GPATCH2: variants seen among roughly 807,000 people sequenced by gnomAD.
GPATCH2 encodes G patch domain-containing protein 2.
In GPATCH2, 51 loss-of-function variants were observed where a neutral mutation model predicts 58.0. That is an observed-to-expected ratio of 0.88 (90% CI 0.70 to 1.11). The LOEUF is 1.11. Ranked by LOEUF, GPATCH2 falls within the 50% of genes most tolerant of loss-of-function variation. The pLI is 0.00. For missense variants in GPATCH2, 625 were observed against 652.2 expected (o/e 0.96, Z 0.45); for synonymous variants, 222 against 218.5 (o/e 1.02, Z -0.14).
chr1:217,619,880 C>T lies in GPATCH2; in HGVS notation c.676G>A (p.Glu226Lys). ...TCCTCACTTTCTAAAACTACTCCTT[C>T]ATCTTGGATTTTTGGTCCTTGTCTG... ...IIRQGPKIQD[E>K]GVVLESEETN... The change falls in exon 2 of 10, where the codon GAA becomes AAA. Residue 226 changes from glutamate to lysine, a missense_variant. Transcript: ENST00000366935. 2 of 1,613,876 alleles carry T rather than the reference C, an allele frequency of 1.2e-6. No individual in the cohort carries two copies. The highest frequency in any genetic ancestry group is 4.5e-5 in the East Asian group (2 of 44,862).
chr1:217,515,952 T>C (rs1433689909), intron 5 of GPATCH2, among the ~76,000 whole-genome samples: 1 of 152,140 alleles, frequency 6.6e-6, no homozygotes, highest in Non-Finnish European at 1.5e-5. Flanking sequence ...AGCAGCCCTT[T>C]TCATAGTTTC....
At chr1:217,577,978 C>T (rs994179535) in intron 5 of GPATCH2, among the ~76,000 whole-genome samples, 3 of 151,280 alleles carry the variant, frequency 2.0e-5, no homozygotes, top group Non-Finnish European at 4.4e-5. Context: ...AACTCCCAAC[C>T]TCAGGTGATC....
intron 5 of GPATCH2, among the ~76,000 whole-genome samples, chr1:217,525,275 C>A (rs908093930): frequency 6.6e-6 from 1 of 151,992 alleles, no homozygotes; most frequent in Admixed American, 6.6e-5. Context: ...TAAGATAACC[C>A]TCCATCTCAC....
intron 5 of GPATCH2, among the ~76,000 whole-genome samples, chr1:217,578,477 C>A (rs1003152313): frequency 1.3e-5 from 2 of 152,108 alleles, no homozygotes; most frequent in African/African-American, 2.4e-5. Flanking sequence ...GTCCTGAACT[C>A]CTGGATTCAA....
chr1:217,609,384 A>G (rs979104463), intron 5 of GPATCH2: 2 of 984,172 alleles, frequency 2.0e-6, no homozygotes, highest in Admixed American at 6.2e-5. Flanking sequence ...TAAGCTCTAA[A>G]CCAAAATAAT....
At chr1:217,606,479 C>T (rs1668366103) in intron 5 of GPATCH2, among the ~76,000 whole-genome samples, 1 of 152,032 alleles carries the variant, frequency 6.6e-6, no homozygotes, top group Non-Finnish European at 1.5e-5. Context: ...ATGAACAAGC[C>T]AGTTGCGGTG....
intron 1 of GPATCH2, 122 bp from the exon 2 acceptor site, chr1:217,620,621 C>T: frequency 1.6e-6 from 1 of 624,902 alleles, no homozygotes. Context: ...TGTTTCAAAG[C>T]TAATTTTCCT....
In GPATCH2 at chr1:217,619,831, T is replaced by C; in HGVS notation, c.725A>G (p.Lys242Arg). 6.2e-7 allele frequency: 1 copy of C among 1,611,560 alleles called. No homozygotes were observed. The highest frequency in any genetic ancestry group is 8.5e-7 in the Non-Finnish European group (1 of 1,178,944). Residue 242 changes from lysine (K) to arginine (R), a missense_variant, in exon 2 of 10, where the codon AAA becomes AGA. By Grantham distance (26) the Lys-to-Arg change is conservative. Coordinates refer to ENST00000366935, the MANE Select transcript of GPATCH2 (RefSeq NM_018040.5). ...GACTTTTTGCTCTTCACATTCCATT[T>C]TGTCCTTATTGGTCTGGTTCGTTTC... The part of the protein sequence containing the change: ...SEETNQTNKD[K>R]MECEEQKVSD...
At chr1:217,434,490 C>A (rs1207795498) in intron 9 of GPATCH2, among the ~76,000 whole-genome samples, 2 of 152,202 alleles carry the variant, frequency 1.3e-5, no homozygotes, top group Middle Eastern at 3.4e-3. Context: ...AGTGCCTTAG[C>A]GTGTTGTCTC....
chr1:217,590,908 C>T (rs1403576120), intron 5 of GPATCH2, among the ~76,000 whole-genome samples: 2 of 152,082 alleles, frequency 1.3e-5, no homozygotes, highest in African/African-American at 4.8e-5. Context: ...AATCATGGAT[C>T]TGGGAGAGGT....
At chr1:217,602,923 A>G (rs1668175613) in intron 5 of GPATCH2, among the ~76,000 whole-genome samples, 1 of 152,172 alleles carries the variant, frequency 6.6e-6, no homozygotes, top group East Asian at 1.9e-4. Context: ...GAATTTATTT[A>G]TATTTATTAA....
Position 217,509,501 on chromosome 1 carries a change from A to G in GPATCH2, c.1166+5321T>C, listed in dbSNP as rs576414991. On this transcript the variant is annotated intron_variant, in intron 6 of 9. Transcript: ENST00000366935. The stretch of plus-strand genomic sequence containing the variant: ...TTTATTTCTGGTGGTGATTTGTCTT[A>G]TATCTTCTGCGAGCTAGTCTCTGAA... Among the ~76,000 whole-genome samples the G allele has an allele frequency of 4.6e-5, 7 of 152,262 alleles. No individual in the cohort carries two copies. The South Asian group carries it at 6.2e-4, about 14-fold the overall frequency.
chr1:217,627,763 G>C (rs547630043), intron 1 of GPATCH2, among the ~76,000 whole-genome samples: 1 of 152,034 alleles, frequency 6.6e-6, no homozygotes, highest in South Asian at 2.1e-4. Flanking sequence ...ATTTAATAAG[G>C]CAAGCTCATT....
At chr1:217,523,461 C>T (rs1453647142) in intron 5 of GPATCH2, among the ~76,000 whole-genome samples, 3 of 151,622 alleles carry the variant, frequency 2.0e-5, no homozygotes, top group Non-Finnish European at 4.4e-5. Context: ...GTGGACACAG[C>T]ACATGTTTCA....
At chr1:217,539,328 G>A (rs1401665103) in intron 5 of GPATCH2, among the ~76,000 whole-genome samples, 1 of 152,138 alleles carries the variant, frequency 6.6e-6, no homozygotes, top group Non-Finnish European at 1.5e-5. Flanking sequence ...GAGTTTATAT[G>A]ATTAAACCAG....
chr1:217,431,447 A>AGTTTT (rs1209350129), intron 9 of GPATCH2, 82 bp from the exon 10 acceptor site: 9 of 852,438 alleles, frequency 1.1e-5, no homozygotes, highest in East Asian at 9.8e-5. Context: ...TGTTCTCCTA[A>AGTTTT]GTTTTGTTTT....
intron 9 of GPATCH2, among the ~76,000 whole-genome samples, chr1:217,440,010 T>A (rs553428498): frequency 6.6e-6 from 1 of 152,342 alleles, no homozygotes; most frequent in African/African-American, 2.4e-5. Flanking sequence ...CCCAGACTCA[T>A]TTTATGAGGC....
At chr1:217,542,897 G>A (rs535746205) in intron 5 of GPATCH2, among the ~76,000 whole-genome samples, 7 of 152,078 alleles carry the variant, frequency 4.6e-5, no homozygotes, top group Non-Finnish European at 1.0e-4. Context: ...ACATCATAAG[G>A]CAGAATAGTG....
chr1:217,614,186 T>C lies in GPATCH2; in HGVS notation c.790A>G (p.Ser264Gly), dbSNP rs1668772529. 2 of 1,563,374 alleles carry C rather than the reference T, an allele frequency of 1.3e-6. No homozygotes were observed. The highest frequency in any genetic ancestry group is 1.8e-6 in the Non-Finnish European group (2 of 1,134,948). Residue 264 changes from serine to glycine, a missense_variant, in exon 3 of 10, where the codon AGC (serine) becomes GGC (glycine). Physicochemically the swap from Ser to Gly is moderately conservative, Grantham distance 56. Coordinates refer to ENST00000366935, the MANE Select transcript of GPATCH2 (RefSeq NM_018040.5). ...GTAAACAATCCAGCATCAGTGCTGC[T>C]GAGACTGCTGGAATCACTGTAATAA... ...LMSESDSSSL[S>G]STDAGLFTND... is the part of the protein sequence containing the mutation.
Sources: gnomAD v4.1 joint callset for allele counts (sites outside exome capture counted in the v4.1 genomes callset) on GRCh38, gnomAD v4.1.1 for gene constraint, MANE v1.5 for transcripts, NCBI Gene and HGNC (gene_info 2026-07-23, HGNC 2026-07-21) for gene names.